KIAA1549: variants seen among roughly 807,000 people sequenced by gnomAD.
The protein encoded by KIAA1549 is KIAA1549.
In KIAA1549, 70 loss-of-function variants were observed where a neutral mutation model predicts 156.4. The observed-to-expected ratio is 0.45, with a 90% CI of 0.37 to 0.55. KIAA1549 has a LOEUF of 0.55. Among genes scored for constraint, KIAA1549 ranks in the 20% least tolerant of loss-of-function variants. The pLI, the probability that KIAA1549 is intolerant of heterozygous loss-of-function variation, is 0.00. For missense variants in KIAA1549, 2,428 were observed against 2,540.9 expected, an observed-to-expected ratio of 0.96 and a Z score of 0.96; for synonymous variants, 1,103 against 1,066.4, an observed-to-expected ratio of 1.03 and a Z score of -0.67.
At chr7:138,942,016 G>A (rs908304801) in intron 1 of KIAA1549, among the ~76,000 whole-genome samples, 3 of 152,170 alleles carry the variant, frequency 2.0e-5, no homozygotes, top group African/African-American at 7.2e-5. Flanking sequence ...ATAAGCTCAT[G>A]TGGCCAATAG....
chr7:138,868,156 GT>G, intron 14 of KIAA1549, 28 bp from the exon 15 acceptor site: 1 of 1,601,276 alleles, frequency 6.2e-7, no homozygotes, highest in South Asian at 1.1e-5. Context: ...AATTATCTTC[GT>G]AGGAAATCAC....
chr7:138,962,028 C>A (rs906193514), intron 1 of KIAA1549, among the ~76,000 whole-genome samples: 1 of 152,150 alleles, frequency 6.6e-6, no homozygotes. Context: ...GCGCCATTCT[C>A]CCTGTGCAAG....
At chr7:138,857,365 G>C (rs1810423869) in intron 16 of KIAA1549, among the ~76,000 whole-genome samples, 1 of 152,212 alleles carries the variant, frequency 6.6e-6, no homozygotes, top group African/African-American at 2.4e-5. Flanking sequence ...GCTATTATGT[G>C]CTGCTGTTTT....
intron 19 of KIAA1549, among the ~76,000 whole-genome samples, chr7:138,839,920 T>A (rs949204627): frequency 6.6e-6 from 1 of 150,584 alleles, no homozygotes; most frequent in Admixed American, 6.7e-5. Flanking sequence ...CCCAAGTAGC[T>A]GGGACTACCA....
chr7:138,898,645 T>C (rs1386037624), intron 9 of KIAA1549, among the ~76,000 whole-genome samples: 2 of 152,196 alleles, frequency 1.3e-5, no homozygotes, highest in Non-Finnish European at 2.9e-5. Context: ...TATTTTGCCT[T>C]AGACAAAATT....
rs576392850 is a variant in KIAA1549 at position 138,833,008 on chromosome 7, T to C, written c.*4898A>G. The C allele has an allele frequency of 4.3e-6, 1 of 232,006 alleles. No homozygotes were observed. The highest frequency in any genetic ancestry group is 5.6e-5 in the Admixed American group (1 of 17,768). The allele number at this position is 232,006 out of a possible 1,614,324, so 14.4% of individuals were successfully genotyped here. Reference sequence around the variant, plus strand: ...ATTAAATGTAAAAATGAAGTTCAGTTGACTATGCCATAGAAATGTGTTTTG... The same window carrying C: ...ATTAAATGTAAAAATGAAGTTCAGTCGACTATGCCATAGAAATGTGTTTTG... On this transcript the variant is annotated 3_prime_UTR_variant, in exon 20 of 20. Coordinates refer to ENST00000422774, the MANE Select transcript of KIAA1549 (RefSeq NM_001164665.2).
Position 138,879,521 on chromosome 7 carries a change from C to G in KIAA1549, c.4345+17G>C. 6.7e-7 allele frequency: 1 copy of G among 1,500,136 alleles called. No individual in the cohort carries two copies. The allele number at this position is 1,500,136 out of a possible 1,614,324, so 92.9% of individuals were successfully genotyped here. ...TAGGGACTACTTTTAATGGGAAGAA[C>G]CAGAAGAGTCACAGACCGCTCTGCG... On this transcript the variant is annotated intron_variant, in intron 12 of 19. Coordinates refer to ENST00000422774, the MANE Select transcript of KIAA1549 (RefSeq NM_001164665.2).
chr7:138,916,576 A>C (rs901208387), intron 2 of KIAA1549, among the ~76,000 whole-genome samples, 172 bp downstream of exon 2: 3 of 152,224 alleles, frequency 2.0e-5, no homozygotes, highest in Non-Finnish European at 2.9e-5. Context: ...TAGAGAGGAT[A>C]AATAACTGTT....
At chr7:138,873,992 ATT>A (rs1299781073) in intron 12 of KIAA1549, among the ~76,000 whole-genome samples, 1 of 148,362 alleles carries the variant, frequency 6.7e-6, no homozygotes, top group Non-Finnish European at 1.5e-5. Flanking sequence ...ATTAGTATAT[ATT>A]TTTGTTTATA....
At chr7:138,933,324 C>T (rs189568699) in intron 1 of KIAA1549, among the ~76,000 whole-genome samples, 14 of 152,306 alleles carry the variant, frequency 9.2e-5, no homozygotes, top group African/African-American at 2.9e-4. Flanking sequence ...GTTTCCTCTA[C>T]TCATGAGGAA....
At position 138,919,093 on chromosome 7, in the gene KIAA1549, A is replaced by G; in HGVS notation, c.533T>C (p.Ile178Thr). Residue 178 changes from isoleucine to threonine, a missense_variant, in exon 2 of 20, where the codon ATC (isoleucine) becomes ACC (threonine). Coordinates refer to ENST00000422774, the MANE Select transcript of KIAA1549 (RefSeq NM_001164665.2). ...GGGCAGCCCTGGTGGGCTGACTGTG[A>G]TATACTGTATTGGAGAAACCATCCG... is the stretch of plus-strand genomic sequence containing the variant. The part of the protein sequence containing the change: ...TPRMVSPIQY[I>T]TVSPPGLPRE... 3 of 1,613,992 alleles carry G rather than the reference A, an allele frequency of 1.9e-6. No individual in the cohort carries two copies. The highest frequency in any genetic ancestry group is 2.5e-6 in the Non-Finnish European group (3 of 1,179,888).
At chr7:138,938,850 C>T (rs1196594463) in intron 1 of KIAA1549, among the ~76,000 whole-genome samples, 1 of 152,022 alleles carries the variant, frequency 6.6e-6, no homozygotes, top group East Asian at 1.9e-4. Flanking sequence ...GAGTACAAGA[C>T]CAGTCTAGCC....
rs1405491591 is a variant in KIAA1549, at chr7:138,890,304, C to T, written c.4032+4038G>A. On this transcript the variant is annotated intron_variant, in intron 10 of 19. Transcript: ENST00000422774. ...CCCACAGTATTCGGGTTAGCCTGAG[C>T]CCCTGGGAAGGAGTTGAGATGACAA... is the stretch of plus-strand genomic sequence containing the variant. Among the ~76,000 whole-genome samples, 3 of 152,340 alleles carry T rather than the reference C, an allele frequency of 2.0e-5. No homozygotes were observed. The East Asian group carries it at 5.8e-4, about 29-fold the overall frequency.
At chr7:138,898,305 CA>C (rs575419720) in intron 9 of KIAA1549, among the ~76,000 whole-genome samples, 132 of 47,624 alleles carry the variant, frequency 2.8e-3, no homozygotes, top group Middle Eastern at 8.9e-3. Context: ...GACTCCATCT[CA>C]AAAAAAAAAA....
chr7:138,859,908 C>T (rs1053005103), intron 16 of KIAA1549, among the ~76,000 whole-genome samples: 1 of 152,190 alleles, frequency 6.6e-6, no homozygotes, highest in African/African-American at 2.4e-5. Flanking sequence ...AACTGACAAC[C>T]ACTAATTATC....
chr7:138,834,732 A>G lies in KIAA1549; in HGVS notation c.*3174T>C, dbSNP rs1175279340. ...TCATTACCCATGTGTGAACCCATTCACCGCAGTAGTGCAGCGTTTCACATC... is the reference window on the plus strand; with the variant it reads ...TCATTACCCATGTGTGAACCCATTCGCCGCAGTAGTGCAGCGTTTCACATC... On this transcript the variant is annotated 3_prime_UTR_variant, in exon 20 of 20. Transcript: ENST00000422774. The G allele has an allele frequency of 2.1e-4, 49 of 232,762 alleles. No homozygotes were observed. Among genetic ancestry groups the G allele is most frequent in the Non-Finnish European group, 8.5e-5 (10 of 117,726 alleles). 14.4% of individuals were successfully genotyped at this position (232,762 alleles called of 1,614,324 possible). A position where few individuals can be genotyped will look rare whatever the true frequency, so the allele number is the denominator to read the frequency against.
At chr7:138,971,191 C>T (rs1814211482) in intron 1 of KIAA1549, among the ~76,000 whole-genome samples, 1 of 152,198 alleles carries the variant, frequency 6.6e-6, no homozygotes, top group South Asian at 2.1e-4. Context: ...GCCCTTGCCA[C>T]TGCCTGGCAA....
intron 2 of KIAA1549, among the ~76,000 whole-genome samples, chr7:138,916,516 G>A (rs1394647633): frequency 6.6e-6 from 1 of 152,226 alleles, no homozygotes; most frequent in Non-Finnish European, 1.5e-5. Flanking sequence ...ACAGCCCAAT[G>A]AAGCAGGTTT....
chr7:138,954,348 C>T (rs865906982), intron 1 of KIAA1549, among the ~76,000 whole-genome samples: 3 of 152,154 alleles, frequency 2.0e-5, no homozygotes, highest in Non-Finnish European at 2.9e-5. Context: ...CCTCACGGGG[C>T]ATGGCTAAGT....
Sources: gnomAD v4.1 joint callset for allele counts (sites outside exome capture counted in the v4.1 genomes callset) on GRCh38, gnomAD v4.1.1 for gene constraint, MANE v1.5 for transcripts, NCBI Gene and HGNC (gene_info 2026-07-23, HGNC 2026-07-21) for gene names.